The following BLK variants were observed in gnomAD, a reference collection of about 807,000 sequenced individuals.
BLK encodes BLK proto-oncogene, Src family tyrosine kinase.
Under a neutral mutation model 61.8 loss-of-function variants are expected in BLK, and 64 were observed. The observed-to-expected ratio is 1.03, with a 90% CI of 0.85 to 1.27. The LOEUF (loss-of-function observed/expected upper bound fraction) is 1.27, where lower values mean the gene tolerates loss of function less well. Ranked by LOEUF, BLK falls within the 50% of genes most tolerant of loss-of-function variation. The pLI, the probability that BLK is intolerant of heterozygous loss-of-function variation, is 0.00. For synonymous variants in BLK, 351 were observed against 272.0 expected (o/e 1.29, Z -2.86); for missense variants, 853 against 660.5 (o/e 1.29, Z -3.19).
intron 1 of BLK, among the ~76,000 whole-genome samples, chr8:11,519,667 G>A (rs894755287): frequency 6.6e-6 from 1 of 152,196 alleles, no homozygotes; most frequent in Non-Finnish European, 1.5e-5. Context: ...GAACAACCGT[G>A]TGAGGTAGTT....
At chr8:11,556,424 A>T in intron 8 of BLK, 1 of 573,840 alleles carries the variant, frequency 1.7e-6, no homozygotes, top group East Asian at 3.1e-5. Flanking sequence ...TGTGGGGCAA[A>T]TAGGTGAAAT....
At chr8:11,515,088 G>A (rs1472258775) in intron 1 of BLK, among the ~76,000 whole-genome samples, 4 of 152,116 alleles carry the variant, frequency 2.6e-5, no homozygotes, top group South Asian at 2.1e-4. Context: ...CACTGCAAAC[G>A]CCCAGTTGCA....
chr8:11,540,901 A>G (rs371203039), intron 1 of BLK, among the ~76,000 whole-genome samples: 1 of 151,710 alleles, frequency 6.6e-6, no homozygotes. Context: ...TTACAAAGCC[A>G]GCGCACCTTA....
chr8:11,530,806 T>A (rs901004783), intron 1 of BLK, among the ~76,000 whole-genome samples: 3 of 152,248 alleles, frequency 2.0e-5, no homozygotes, highest in Admixed American at 6.5e-5. Context: ...AGCTAATTAA[T>A]ATGAGTAACA....
At chr8:11,529,789 G>A (rs1475391261) in intron 1 of BLK, among the ~76,000 whole-genome samples, 2 of 152,226 alleles carry the variant, frequency 1.3e-5, no homozygotes, top group Non-Finnish European at 1.5e-5. Flanking sequence ...TTAGAAGCAA[G>A]ATGCAGTTGG....
chr8:11,556,242 T>G, intron 8 of BLK: 1 of 305,214 alleles, frequency 3.3e-6, no homozygotes, highest in South Asian at 3.3e-5. Flanking sequence ...GCCATGGGGC[T>G]TCAGAAGGAG....
intron 2 of BLK, among the ~76,000 whole-genome samples, chr8:11,544,219 C>T (rs1449345066): frequency 6.6e-6 from 1 of 152,172 alleles, no homozygotes; most frequent in Non-Finnish European, 1.5e-5. Flanking sequence ...CCTGCCTTGG[C>T]CTCCCAAAGT....
intron 1 of BLK, among the ~76,000 whole-genome samples, chr8:11,502,019 T>C (rs1798580692): frequency 6.6e-6 from 1 of 152,224 alleles, no homozygotes; most frequent in South Asian, 2.1e-4. Context: ...GTTGTATAAA[T>C]ACTCCCACCA....
chr8:11,549,640 C>T (rs1800812359), intron 5 of BLK, among the ~76,000 whole-genome samples: 1 of 152,246 alleles, frequency 6.6e-6, no homozygotes. Context: ...CTAGCTCTGC[C>T]TGAGGACTGA....
intron 1 of BLK, among the ~76,000 whole-genome samples, chr8:11,528,861 A>G (rs1420143619): frequency 1.3e-5 from 2 of 152,184 alleles, no homozygotes. Context: ...CATAAAACCA[A>G]ACACTGTATG....
At chr8:11,532,547 TA>T (rs1244389529) in intron 1 of BLK, among the ~76,000 whole-genome samples, 1 of 152,172 alleles carries the variant, frequency 6.6e-6, no homozygotes, top group African/African-American at 2.4e-5. Context: ...GTATTTTTTT[TA>T]ATCTCTAGGA....
At chr8:11,552,827 C>T (rs1246611486) in intron 6 of BLK, 1 of 152,320 alleles carries the variant, frequency 6.6e-6, no homozygotes, top group East Asian at 1.9e-4. Flanking sequence ...CCAGTCCAAG[C>T]TGGGAATAGG....
In BLK at chr8:11,506,347, T is replaced by G. The variant is rs141926600; in HGVS notation, c.-2+11756T>G. ...ATGTAGTTGGCTCATTTATCATTTTTTAGAAAAAAAGAAAACAACAGAATG... is the reference window on the plus strand; with the variant it reads ...ATGTAGTTGGCTCATTTATCATTTTGTAGAAAAAAAGAAAACAACAGAATG... On this transcript the variant is annotated intron_variant, in intron 1 of 12. Transcript: ENST00000259089. Among the ~76,000 whole-genome samples the G allele has an allele frequency of 2.5e-3, 385 of 152,272 alleles. 5 individuals carry two copies. Among genetic ancestry groups the G allele is most frequent in the African/African-American group, 8.7e-3 (363 of 41,544 alleles).
chr8:11,543,331 C>T lies in BLK; in HGVS notation c.107C>T (p.Pro36Leu), dbSNP rs1013048438. ...GTCAGCGCCCAAGACAAGGACGCCC[C>T]GCCACTGCCGCCCCTGGTGAGTGAT... Reference protein sequence around the residue: ...LKVSAQDKDAPPLPPLVVFNH... With the variant: ...LKVSAQDKDALPLPPLVVFNH... The change falls in exon 2 of 13, where the codon CCG becomes CTG. Residue 36 changes from proline (P) to leucine (L), a missense_variant. Pro to Leu is a moderately conservative substitution (Grantham distance 98, BLOSUM62 -3). Transcript: ENST00000259089. 7.4e-6 allele frequency: 12 copies of T among 1,613,092 alleles called. No homozygotes were observed. The highest frequency in any genetic ancestry group is 6.7e-5 in the East Asian group (3 of 44,900).
At chr8:11,546,501 T>C (rs964246959) in intron 3 of BLK, among the ~76,000 whole-genome samples, 2 of 152,120 alleles carry the variant, frequency 1.3e-5, no homozygotes, top group Admixed American at 6.5e-5. Flanking sequence ...CACCTTCTTG[T>C]TTCCCGCTCC....
intron 1 of BLK, among the ~76,000 whole-genome samples, chr8:11,499,071 C>G (rs115578727): frequency 6.6e-6 from 1 of 152,220 alleles, no homozygotes; most frequent in Non-Finnish European, 1.5e-5. Flanking sequence ...AACCTAGACA[C>G]AGTCACAGGG....
intron 1 of BLK, 123 bp from the exon 2 acceptor site, chr8:11,543,101 G>A (rs1411854295): frequency 4.0e-6 from 6 of 1,497,270 alleles, no homozygotes; most frequent in African/African-American, 2.8e-5. Context: ...TGAGGTCTTT[G>A]CTGCACCCAC....
Position 11,556,752 on chromosome 8 carries a change from G to A in BLK, c.867G>A (p.Lys289=). Residue 289 remains lysine, a synonymous_variant, in exon 9 of 13, where the codon AAG becomes AAA. Transcript: ENST00000259089. ...EAFLGEANVM[K]ALQHERLVRL... ...TTCTGGGTGAGGCCAACGTGATGAAGGCTCTGCAGCACGAGCGGCTGGTCC... is the reference window on the plus strand; with the variant it reads ...TTCTGGGTGAGGCCAACGTGATGAAAGCTCTGCAGCACGAGCGGCTGGTCC... The A allele has an allele frequency of 6.2e-7, 1 of 1,614,234 alleles. No individual in the cohort carries two copies. Among genetic ancestry groups the A allele is most frequent in the Non-Finnish European group, 8.5e-7 (1 of 1,180,046 alleles).
intron 1 of BLK, among the ~76,000 whole-genome samples, chr8:11,496,115 C>G (rs145068664): frequency 8.1e-4 from 124 of 152,328 alleles, no homozygotes; most frequent in African/African-American, 2.7e-3. Flanking sequence ...CCATCATTCT[C>G]TCTCCCAACC....
Sources: allele counts gnomAD v4.1 joint callset (sites outside exome capture counted in the v4.1 genomes callset), GRCh38; gene constraint gnomAD v4.1.1; transcripts MANE v1.5; gene names NCBI Gene and HGNC (gene_info 2026-07-23, HGNC 2026-07-21).